FUT9: variants seen among roughly 807,000 people sequenced by gnomAD.
FUT9 encodes the protein fucosyltransferase 9.
Under a neutral mutation model 29.7 loss-of-function variants are expected in FUT9, and 15 were observed. The ratio of observed to expected loss-of-function variants is 0.51; its 90% CI spans 0.34 to 0.78. The LOEUF is 0.78. Among genes scored for constraint, FUT9 ranks in the 30% least tolerant of loss-of-function variants. The probability of loss-of-function intolerance (pLI) is 0.01; values close to 1 mark genes in which losing one functional copy is unlikely to be tolerated. For synonymous variants in FUT9, 169 were observed against 153.7 expected (o/e 1.10, Z -0.74); for missense variants, 319 against 425.4 (o/e 0.75, Z 2.20).
At chr6:96,045,435 T>A (rs557559514) in intron 1 of FUT9, among the ~76,000 whole-genome samples, 1 of 152,334 alleles carries the variant, frequency 6.6e-6, no homozygotes, top group East Asian at 1.9e-4. Flanking sequence ...GCCACATACA[T>A]CTAGTTTCTG....
At chr6:96,164,650 T>A (rs1023569244) in intron 2 of FUT9, among the ~76,000 whole-genome samples, 4 of 152,170 alleles carry the variant, frequency 2.6e-5, no homozygotes, top group African/African-American at 9.7e-5. Flanking sequence ...TTAATGTTAA[T>A]GTTGGTCAGC....
At chr6:96,054,498 G>T (rs1770728496) in intron 1 of FUT9, among the ~76,000 whole-genome samples, 2 of 152,152 alleles carry the variant, frequency 1.3e-5, no homozygotes, top group Admixed American at 1.3e-4. Flanking sequence ...AAAGATAAAA[G>T]AAAAGAAAAA....
chr6:96,167,628 A>G (rs1773037809), intron 2 of FUT9, among the ~76,000 whole-genome samples: 2 of 152,206 alleles, frequency 1.3e-5, no homozygotes, highest in South Asian at 4.1e-4. Flanking sequence ...TTTTAGTAGA[A>G]GCCACATAAA....
At chr6:96,023,564 T>C (rs1229520015) in intron 1 of FUT9, among the ~76,000 whole-genome samples, 2 of 151,902 alleles carry the variant, frequency 1.3e-5, no homozygotes, top group Non-Finnish European at 2.9e-5. Context: ...GTGGCTATGT[T>C]GTGACTTGAT....
chr6:96,173,897 A>AC (rs1274351879), intron 2 of FUT9, among the ~76,000 whole-genome samples: 1 of 152,098 alleles, frequency 6.6e-6, no homozygotes, highest in Non-Finnish European at 1.5e-5. Flanking sequence ...AAAATTTTCT[A>AC]TTAAAAAACC....
intron 2 of FUT9, among the ~76,000 whole-genome samples, chr6:96,145,593 A>G (rs1772551604): frequency 6.6e-6 from 1 of 152,158 alleles, no homozygotes; most frequent in African/African-American, 2.4e-5. Context: ...GGGTAAGATT[A>G]TTTTTGAGAG....
At chr6:96,044,735 A>G (rs538732271) in intron 1 of FUT9, among the ~76,000 whole-genome samples, 1 of 152,196 alleles carries the variant, frequency 6.6e-6, no homozygotes, top group Non-Finnish European at 1.5e-5. Context: ...TTTTTTATAA[A>G]TACTCTTTTT....
chr6:96,199,080 A>G (rs997968024), intron 2 of FUT9, among the ~76,000 whole-genome samples: 1 of 152,174 alleles, frequency 6.6e-6, no homozygotes, highest in South Asian at 2.1e-4. Flanking sequence ...ACATTCTCTC[A>G]TAGTACTTGA....
At chr6:96,167,669 G>T (rs1303330609) in intron 2 of FUT9, among the ~76,000 whole-genome samples, 1 of 152,138 alleles carries the variant, frequency 6.6e-6, no homozygotes, top group Non-Finnish European at 1.5e-5. Flanking sequence ...AAGTACTAAG[G>T]ATAATAAAAA....
chr6:96,176,447 T>C (rs1219053259), intron 2 of FUT9, among the ~76,000 whole-genome samples: 3 of 152,270 alleles, frequency 2.0e-5, no homozygotes, highest in Middle Eastern at 3.4e-3. Context: ...CTCAACTCTG[T>C]CATTGTAGCA....
intron 1 of FUT9, among the ~76,000 whole-genome samples, chr6:96,052,459 G>C (rs1770688189): frequency 6.6e-6 from 1 of 152,058 alleles, no homozygotes; most frequent in Non-Finnish European, 1.5e-5. Flanking sequence ...ATAGCTTCTT[G>C]GAAAATGCAT....
chr6:96,085,448 G>A (rs904404389), intron 1 of FUT9, among the ~76,000 whole-genome samples: 1 of 152,282 alleles, frequency 6.6e-6, no homozygotes, highest in South Asian at 2.1e-4. Flanking sequence ...CCCAAGCGTA[G>A]AGCACTCACA....
At chr6:96,143,387 G>T (rs1244794854) in intron 2 of FUT9, among the ~76,000 whole-genome samples, 1 of 152,188 alleles carries the variant, frequency 6.6e-6, no homozygotes, top group African/African-American at 2.4e-5. Context: ...AAAGGACTAA[G>T]ACAAGAGTTT....
At chr6:96,174,746 A>G (rs1317640513) in intron 2 of FUT9, among the ~76,000 whole-genome samples, 1 of 152,206 alleles carries the variant, frequency 6.6e-6, no homozygotes, top group African/African-American at 2.4e-5. Context: ...GAAAGGTTGA[A>G]GAAGATGGAA....
chr6:96,136,700 G>C (rs984437344), intron 2 of FUT9, among the ~76,000 whole-genome samples: 2 of 151,914 alleles, frequency 1.3e-5, no homozygotes, highest in African/African-American at 4.8e-5. Flanking sequence ...ATGCACAGAA[G>C]AGAGCAAATT....
At chr6:96,168,672 T>G (rs949632717) in intron 2 of FUT9, among the ~76,000 whole-genome samples, 1 of 152,190 alleles carries the variant, frequency 6.6e-6, no homozygotes, top group Admixed American at 6.5e-5. Flanking sequence ...AGTGAACATG[T>G]AGACAATTAG....
At chr6:96,103,221 A>G (rs1771618194) in intron 1 of FUT9, among the ~76,000 whole-genome samples, 1 of 152,096 alleles carries the variant, frequency 6.6e-6, no homozygotes, top group South Asian at 2.1e-4. Flanking sequence ...ACACAAACAT[A>G]TACGCGCGTG....
chr6:96,188,351 C>T (rs1195498263), intron 2 of FUT9, among the ~76,000 whole-genome samples: 8 of 151,994 alleles, frequency 5.3e-5, no homozygotes, highest in African/African-American at 1.9e-4. Flanking sequence ...ACTGCAGCCT[C>T]GAACTCCTGG....
chr6:96,086,962 C>T (rs759092895), intron 1 of FUT9, among the ~76,000 whole-genome samples: 3 of 152,152 alleles, frequency 2.0e-5, no homozygotes, highest in African/African-American at 7.2e-5. Context: ...TTTCGGTTAG[C>T]ACCTGTGCCT....
Sources: allele counts gnomAD v4.1 joint callset (sites outside exome capture counted in the v4.1 genomes callset), GRCh38; gene constraint gnomAD v4.1.1; transcripts MANE v1.5; gene names NCBI Gene and HGNC (gene_info 2026-07-23, HGNC 2026-07-21).